Variants in SLC8B1 observed in about 807,000 individuals in gnomAD.
The protein encoded by SLC8B1 is solute carrier family 8 member B1, also known as mitochondrial sodium/calcium exchanger protein.
In SLC8B1, 52 loss-of-function variants were observed where a neutral mutation model predicts 63.4. That is an observed-to-expected ratio of 0.82 (90% CI 0.66 to 1.03). The LOEUF (loss-of-function observed/expected upper bound fraction) is 1.03. Ranked by LOEUF, SLC8B1 falls within the 50% of genes least tolerant of loss-of-function variation. The pLI is 0.00. For missense variants in SLC8B1, 657 were observed against 741.7 expected, an observed-to-expected ratio of 0.89 and a Z score of 1.33; for synonymous variants, 336 against 323.9, an observed-to-expected ratio of 1.04 and a Z score of -0.40.
At position 113,316,832 on chromosome 12, in the gene SLC8B1, G is replaced by A; in HGVS notation, c.862+110C>T. 4 of 1,485,864 alleles carry A rather than the reference G, an allele frequency of 2.7e-6. No individual in the cohort carries two copies. The South Asian group carries it at 4.8e-5, about 18-fold the overall frequency. The allele number at this position is 1,485,864 out of a possible 1,614,324, so 92.0% of individuals were successfully genotyped here. ...CACCTGAGCTGCAGTGAGAGGTGGGGCCGATTTGGAGCCTCATTCCTGGAG... is the reference window on the plus strand; with the variant it reads ...CACCTGAGCTGCAGTGAGAGGTGGGACCGATTTGGAGCCTCATTCCTGGAG... On this transcript the variant is annotated intron_variant, in intron 9 of 15. Transcript: ENST00000680972.
intron 15 of SLC8B1, among the ~76,000 whole-genome samples, chr12:113,300,757 C>T (rs956759108): frequency 1.5e-4 from 23 of 152,170 alleles, no homozygotes; most frequent in Non-Finnish European, 2.8e-4. Context: ...CATTATAATT[C>T]CCTCTGTTTT....
At chr12:113,307,915 G>C (rs1307341849) in intron 12 of SLC8B1, 71 bp from the exon 13 acceptor site, 9 of 1,551,004 alleles carry the variant, frequency 5.8e-6, no homozygotes, top group Non-Finnish European at 7.0e-6. Flanking sequence ...TTCCTCACCT[G>C]TGAAACGGGA....
At chr12:113,300,635 C>T (rs1036121357) in intron 15 of SLC8B1, among the ~76,000 whole-genome samples, 6 of 152,224 alleles carry the variant, frequency 3.9e-5, no homozygotes, top group Non-Finnish European at 7.3e-5. Context: ...GTTACCCAGA[C>T]GTGGCCCCAG....
At position 113,332,754 on chromosome 12, in the gene SLC8B1, G is replaced by C; in HGVS notation, c.125C>G (p.Ala42Gly). The C allele has an allele frequency of 6.2e-7, 1 of 1,614,122 alleles. No individual in the cohort carries two copies. The highest frequency in any genetic ancestry group is 8.5e-7 in the Non-Finnish European group (1 of 1,180,006). Residue 42 changes from alanine (A) to glycine (G), a missense_variant, in exon 2 of 16, where the codon GCT becomes GGT. Coordinates refer to ENST00000680972, the MANE Select transcript of SLC8B1 (RefSeq NM_001358345.2). ...TGAHISPQFP[A>G]SGVNQTPVVD... ...CACGGGGGTCTGGTTCACACCTGAA[G>C]CTGGAAACTGGGGGCTAATGTGAGC...
At position 113,299,721 on chromosome 12, in the gene SLC8B1, G is replaced by C. The variant is rs560071117; in HGVS notation, c.*56C>G. 11 of 1,569,794 alleles carry C rather than the reference G, an allele frequency of 7.0e-6. No individual in the cohort carries two copies. The African/African-American group carries it at 1.4e-4, about 19-fold the overall frequency. ...ATGCTCCGGTCCCTGGGCCTCCCCC[G>C]GCAGGAGGGGCGGGGCTCCTGCCTG... On this transcript the variant is annotated 3_prime_UTR_variant, in exon 16 of 16. Coordinates refer to ENST00000680972, the MANE Select transcript of SLC8B1 (RefSeq NM_001358345.2).
intron 8 of SLC8B1, among the ~76,000 whole-genome samples, chr12:113,317,957 G>A (rs1247702297): frequency 6.6e-6 from 1 of 152,070 alleles, no homozygotes; most frequent in African/African-American, 2.4e-5. Flanking sequence ...TGTTGCAGGT[G>A]TATCCTGTGT....
chr12:113,304,053 G>C (rs1306037049), intron 15 of SLC8B1, among the ~76,000 whole-genome samples: 1 of 152,046 alleles, frequency 6.6e-6, no homozygotes, highest in Non-Finnish European at 1.5e-5. Flanking sequence ...ACTAATTTTT[G>C]TATTTTTAGT....
chr12:113,318,001 TTATG>T (rs1463765523), intron 8 of SLC8B1, among the ~76,000 whole-genome samples: 3 of 152,192 alleles, frequency 2.0e-5, no homozygotes, highest in Non-Finnish European at 2.9e-5. Context: ...GAGCATGTAT[TTATG>T]TGTGTTGCAT....
chr12:113,306,066 C>CAACAAAAAAAAAAAAAAAAAA (rs1956668992), intron 14 of SLC8B1, among the ~76,000 whole-genome samples: 1 of 18,088 alleles, frequency 5.5e-5, no homozygotes. Context: ...CCCCACCCTG[C>CAACAAAAAAAAAAAAAAAAAA]AAAAAAAAAA....
At chr12:113,318,396 TTG>T (rs373394954) in intron 8 of SLC8B1, among the ~76,000 whole-genome samples, 213 of 151,066 alleles carry the variant, frequency 1.4e-3, no homozygotes, top group Non-Finnish European at 2.0e-3. Flanking sequence ...GTGCATGTAT[TTG>T]TGTGTGTGCA....
intron 2 of SLC8B1, among the ~76,000 whole-genome samples, chr12:113,323,877 T>C (rs1377502925): frequency 6.6e-6 from 1 of 152,204 alleles, no homozygotes; most frequent in Non-Finnish European, 1.5e-5. Flanking sequence ...TCTGAGCCTC[T>C]GGCCTTCTCA....
intron 2 of SLC8B1, among the ~76,000 whole-genome samples, chr12:113,323,638 G>A (rs1337424676): frequency 6.6e-6 from 1 of 152,082 alleles, no homozygotes; most frequent in Non-Finnish European, 1.5e-5. Flanking sequence ...GAACCCAGGA[G>A]GCAGAGGTTG....
Position 113,317,141 on chromosome 12 carries a change from C to T in SLC8B1, c.803-140G>A, listed in dbSNP as rs573274962. 2.3e-5 allele frequency: 18 copies of T among 774,190 alleles called. No homozygotes were observed. The Middle Eastern group carries it at 7.1e-4, about 30-fold the overall frequency. 48.0% of individuals were successfully genotyped at this position (774,190 alleles called of 1,614,324 possible). A position where few individuals can be genotyped will look rare whatever the true frequency, so the allele number is the denominator to read the frequency against. On this transcript the variant is annotated intron_variant, in intron 8 of 15. Coordinates refer to ENST00000680972, the MANE Select transcript of SLC8B1 (RefSeq NM_001358345.2). ...TTGGGACAGGATCTTTCTCTGTCAC[C>T]CAGGCTGGAGTGCAGAGGTGTGATC...
intron 12 of SLC8B1, chr12:113,308,417 A>T (rs1956707696): frequency 6.6e-6 from 1 of 152,648 alleles, no homozygotes; most frequent in African/African-American, 2.4e-5. Context: ...TTTTGTCTGG[A>T]AAGGGTTCCT....
chr12:113,303,141 A>ACACGCG (rs773636454), intron 15 of SLC8B1, among the ~76,000 whole-genome samples: 13 of 145,636 alleles, frequency 8.9e-5, no homozygotes, highest in Admixed American at 2.7e-4. Flanking sequence ...ACACACACAC[A>ACACGCG]CGCGCGCGCA....
rs1226815098 is a variant in SLC8B1 at position 113,323,955 on chromosome 12, C to T, written c.157-2607G>A. On this transcript the variant is annotated intron_variant, in intron 2 of 15. Transcript: ENST00000680972. The stretch of plus-strand genomic sequence containing the variant: ...TGAGCAGAGACTGAAACCCCCAGCC[C>T]TGCCCCAACCCCTCAATCTTTCTAC... Among the ~76,000 whole-genome samples, 5 of 152,100 alleles carry T rather than the reference C, an allele frequency of 3.3e-5. No homozygotes were observed. The East Asian group carries it at 9.6e-4, about 29-fold the overall frequency.
In SLC8B1 at chr12:113,310,283, G is replaced by A. The variant is rs1032892265; in HGVS notation, c.1208C>T (p.Ser403Leu). 10 of 1,614,078 alleles carry A rather than the reference G, an allele frequency of 6.2e-6. No individual in the cohort carries two copies. Among genetic ancestry groups the A allele is most frequent in the Non-Finnish European group, 6.8e-6 (8 of 1,180,008 alleles). ...GTCAGATGTGGCAAAAAAGGTCACT[G>A]AAGCCAAGGCTGTGCCTGCGATCAC... ...VVVIAGTALA[S>L]VTFFATSDSQ... is the part of the protein sequence containing the mutation. Residue 403 changes from serine (S) to leucine (L), a missense_variant, in exon 12 of 16, where the codon TCA becomes TTA. Coordinates refer to ENST00000680972, the MANE Select transcript of SLC8B1 (RefSeq NM_001358345.2).
At chr12:113,317,030 G>A (rs1593249882) in intron 8 of SLC8B1, 29 bp from the exon 9 acceptor site, 1 of 1,604,990 alleles carries the variant, frequency 6.2e-7, no homozygotes, top group East Asian at 2.2e-5. Flanking sequence ...GTTACATACA[G>A]AACCCAGACC....
chr12:113,319,973 T>C lies in SLC8B1; in HGVS notation c.694+358A>G, dbSNP rs1956898317. ...ATGCCCAGCTAAGTTTTTTCTTTTT[T>C]GTAGAGATGTAGTCTCGCTATGTTG... On this transcript the variant is annotated intron_variant, in intron 7 of 15. Coordinates refer to ENST00000680972, the MANE Select transcript of SLC8B1 (RefSeq NM_001358345.2). 5 of 195,494 alleles carry C rather than the reference T, an allele frequency of 2.6e-5. No homozygotes were observed. In the South Asian group the frequency reaches 4.9e-4, roughly 19 times the overall value. 12.1% of individuals were successfully genotyped at this position (195,494 alleles called of 1,614,324 possible).
Sources: gnomAD v4.1 joint callset for allele counts (sites outside exome capture counted in the v4.1 genomes callset) on GRCh38, gnomAD v4.1.1 for gene constraint, MANE v1.5 for transcripts, NCBI Gene and HGNC (gene_info 2026-07-23, HGNC 2026-07-21) for gene names.